Variants in GALNT7 observed in about 807,000 individuals in gnomAD.
The protein encoded by GALNT7 is N-acetylgalactosaminyltransferase 7.
In GALNT7, 60 loss-of-function variants were observed where a neutral mutation model predicts 82.1. That is an observed-to-expected ratio of 0.73 (90% confidence interval 0.59 to 0.91). The LOEUF is 0.91. Among genes scored for constraint, GALNT7 ranks in the 40% least tolerant of loss-of-function variants. GALNT7 has a pLI of 0.00. For missense variants in GALNT7, 660 were observed against 804.2 expected (o/e 0.82, Z 2.17); for synonymous variants, 243 against 275.1 (o/e 0.88, Z 1.15).
chr4:173,256,156 G>A (rs1735028356), intron 2 of GALNT7, among the ~76,000 whole-genome samples: 1 of 152,194 alleles, frequency 6.6e-6, no homozygotes. Context: ...TTTAGTGAAA[G>A]AAATGGGGAG....
At chr4:173,181,547 T>A (rs1181361994) in intron 1 of GALNT7, among the ~76,000 whole-genome samples, 1 of 152,210 alleles carries the variant, frequency 6.6e-6, no homozygotes, top group Admixed American at 6.5e-5. Flanking sequence ...TTAAGATAAC[T>A]CTATTCCTCT....
intron 5 of GALNT7, among the ~76,000 whole-genome samples, chr4:173,297,060 C>CA (rs1159038181): frequency 1.3e-5 from 2 of 152,132 alleles, no homozygotes; most frequent in African/African-American, 4.8e-5. Context: ...TTGTAACAAG[C>CA]AGGGTACCAG....
chr4:173,200,461 A>AG (rs1268172521), intron 1 of GALNT7, among the ~76,000 whole-genome samples: 1 of 152,136 alleles, frequency 6.6e-6, no homozygotes. Context: ...AAAAAAAAAA[A>AG]AGAATATCTC....
chr4:173,278,788 A>C (rs115289520), intron 2 of GALNT7, among the ~76,000 whole-genome samples: 3,203 of 152,342 alleles, frequency 0.021, 59 homozygotes, highest in Middle Eastern at 0.034. Context: ...TATATTGTCC[A>C]GTCCACATCT....
In GALNT7 at chr4:173,279,861, G is replaced by C. The variant is rs956846632; in HGVS notation, c.588-12247G>C. ...GTGGTGGCGCGTACCTGTAGTCCCA[G>C]CTCTTCGGGGGGCTGAGGCACAAGA... On this transcript the variant is annotated intron_variant, in intron 2 of 11. Transcript: ENST00000265000. Among the ~76,000 whole-genome samples, 4 of 152,046 alleles carry C rather than the reference G, an allele frequency of 2.6e-5. 1 individual carries two copies. The highest frequency in any genetic ancestry group is 3.9e-4 in the East Asian group (2 of 5,182).
Position 173,320,054 on chromosome 4 carries a change from G to A in GALNT7, c.1836+1495G>A, listed in dbSNP as rs1315613670. On this transcript the variant is annotated intron_variant, in intron 11 of 11. Coordinates refer to ENST00000265000, the MANE Select transcript of GALNT7 (RefSeq NM_017423.3). This position sits in a 1 kb window ranked among gnomAD's most constrained non-coding sequence, Gnocchi z 4.1. ...ATTGTGCTTTGGAGGAAAGAGCACC[G>A]AACTTCATTTTTTAAGTTTTGGAGA... Among the ~76,000 whole-genome samples, 3 of 152,080 alleles carry A rather than the reference G, an allele frequency of 2.0e-5. No homozygotes were observed. The highest frequency in any genetic ancestry group is 4.8e-5 in the African/African-American group (2 of 41,414).
intron 6 of GALNT7, among the ~76,000 whole-genome samples, chr4:173,299,582 C>T (rs111916409): frequency 0.056 from 8,531 of 152,246 alleles, 370 homozygotes; most frequent in African/African-American, 0.11. Context: ...CAAGGTGGCT[C>T]ACACCTGTAA....
intron 1 of GALNT7, among the ~76,000 whole-genome samples, chr4:173,180,039 G>C (rs2126626628): frequency 6.6e-6 from 1 of 152,228 alleles, no homozygotes; most frequent in African/African-American, 2.4e-5. Context: ...AGTCATGCAA[G>C]TGTCATTTTG....
At chr4:173,216,745 T>TTTTTTTTC (rs1733484572) in intron 1 of GALNT7, among the ~76,000 whole-genome samples, 1 of 124,792 alleles carries the variant, frequency 8.0e-6, no homozygotes, top group Non-Finnish European at 1.6e-5. Context: ...TTTTTTTTTT[T>TTTTTTTTC]TGGAGACGGA....
chr4:173,262,094 C>T (rs185170333), intron 2 of GALNT7, among the ~76,000 whole-genome samples: 36 of 152,266 alleles, frequency 2.4e-4, no homozygotes, highest in Admixed American at 9.1e-4. Flanking sequence ...CCTCTGCATT[C>T]AGTCTATGCC....
At chr4:173,311,491 A>G (rs1359431727) in intron 8 of GALNT7, among the ~76,000 whole-genome samples, 1 of 152,254 alleles carries the variant, frequency 6.6e-6, no homozygotes, top group African/African-American at 2.4e-5. Flanking sequence ...AAGAAAGCTC[A>G]GGAAGCTTCC....
At chr4:173,304,733 A>C (rs55668552) in intron 8 of GALNT7, among the ~76,000 whole-genome samples, 5,118 of 151,944 alleles carry the variant, frequency 0.034, 281 homozygotes, top group African/African-American at 0.12. Context: ...CCATTTTACT[A>C]TCTGTTTACT....
chr4:173,256,754 C>A (rs1027552123), intron 2 of GALNT7, among the ~76,000 whole-genome samples: 1 of 152,136 alleles, frequency 6.6e-6, no homozygotes, highest in Non-Finnish European at 1.5e-5. Flanking sequence ...GACTGCTTTG[C>A]ATAATATAGC....
At chr4:173,280,304 T>C (rs987583070) in intron 2 of GALNT7, among the ~76,000 whole-genome samples, 6 of 152,200 alleles carry the variant, frequency 3.9e-5, no homozygotes, top group African/African-American at 1.2e-4. Context: ...GAATTAGATA[T>C]TATTTATTGA....
Position 173,225,046 on chromosome 4 carries a change from AATAATT to A in GALNT7, c.127-22924_127-22919del, listed in dbSNP as rs1245000956. Among the ~76,000 whole-genome samples the A allele has an allele frequency of 8.5e-3, 725 of 84,868 alleles. 5 individuals are homozygous for A. Among genetic ancestry groups the A allele is most frequent in the African/African-American group, 0.023 (667 of 28,648 alleles). The allele number at this position is 84,868 out of a possible 152,430, so 55.7% of individuals were successfully genotyped here. A position where few individuals can be genotyped will look rare whatever the true frequency, so the allele number is the denominator to read the frequency against. ...TAATAATAATAATAATAATAATAATAATAATTATAATTATATCTGTGCCCACTTCCC... is the reference window on the plus strand; with the variant it reads ...TAATAATAATAATAATAATAATAATAATAATTATATCTGTGCCCACTTCCC... On this transcript the variant is annotated intron_variant, in intron 1 of 11. Coordinates refer to ENST00000265000, the MANE Select transcript of GALNT7 (RefSeq NM_017423.3).
chr4:173,191,080 A>C (rs1166941169), intron 1 of GALNT7, among the ~76,000 whole-genome samples: 2 of 152,152 alleles, frequency 1.3e-5, no homozygotes, highest in Non-Finnish European at 2.9e-5. Flanking sequence ...AAAAAATGGA[A>C]ATATTAAGGA....
intron 1 of GALNT7, among the ~76,000 whole-genome samples, chr4:173,211,437 C>T (rs1561155789): frequency 6.6e-6 from 1 of 152,198 alleles, no homozygotes; most frequent in Non-Finnish European, 1.5e-5. Flanking sequence ...TGTGATCAAA[C>T]AGCTTTCCCA....
At chr4:173,201,174 A>G (rs1272914621) in intron 1 of GALNT7, among the ~76,000 whole-genome samples, 1 of 152,130 alleles carries the variant, frequency 6.6e-6, no homozygotes, top group Non-Finnish European at 1.5e-5. Flanking sequence ...TTTAGAATGA[A>G]TTTTGTATTT....
chr4:173,169,750 G>A (rs369869485), intron 1 of GALNT7: 1 of 152,018 alleles, frequency 6.6e-6, no homozygotes, highest in Non-Finnish European at 1.5e-5. Context: ...GCCTGGGGAA[G>A]CCCCTGCTGT....
Sources: gnomAD v4.1 joint callset for allele counts (sites outside exome capture counted in the v4.1 genomes callset) on GRCh38, gnomAD v4.1.1 for gene constraint, Gnocchi (gnomAD v3.1) non-coding constraint, MANE v1.5 for transcripts, NCBI Gene and HGNC (gene_info 2026-07-23, HGNC 2026-07-21) for gene names.